Variants in SLC24A3 observed in about 807,000 individuals in gnomAD.
SLC24A3 encodes solute carrier family 24 member 3, also known as sodium/potassium/calcium exchanger 3.
In SLC24A3, 28 loss-of-function variants were observed where a neutral mutation model predicts 75.8. That is an observed-to-expected ratio of 0.37 (90% CI 0.27 to 0.51). SLC24A3 has a LOEUF of 0.51. SLC24A3 is among the 20% of genes least tolerant of loss of function. The pLI is 0.94. For missense variants in SLC24A3, 663 were observed against 847.8 expected, an observed-to-expected ratio of 0.78 and a Z score of 2.71; for synonymous variants, 372 against 334.1, an observed-to-expected ratio of 1.11 and a Z score of -1.24.
At chr20:19,256,072 C>T (rs1175694499) in intron 1 of SLC24A3, among the ~76,000 whole-genome samples, 1 of 151,860 alleles carries the variant, frequency 6.6e-6, no homozygotes, top group African/African-American at 2.4e-5. Context: ...GCACTCCAGC[C>T]TGCGTGATCG....
chr20:19,616,463 C>T (rs1457043020), intron 6 of SLC24A3, among the ~76,000 whole-genome samples: 4 of 152,212 alleles, frequency 2.6e-5, no homozygotes, highest in Non-Finnish European at 5.9e-5. Context: ...CAGGGGACAA[C>T]ATGTTAGGGG....
intron 1 of SLC24A3, among the ~76,000 whole-genome samples, chr20:19,241,806 C>T (rs900542839): frequency 4.6e-5 from 7 of 152,146 alleles, no homozygotes; most frequent in African/African-American, 1.7e-4. Context: ...TGAGGGCAAT[C>T]GTGATGAATA....
intron 2 of SLC24A3, among the ~76,000 whole-genome samples, chr20:19,319,226 T>G (rs761575738): frequency 3.3e-5 from 5 of 152,202 alleles, no homozygotes; most frequent in Admixed American, 6.5e-5. Context: ...AGCAGGACAC[T>G]GGTAGGGGCT....
At chr20:19,426,093 G>A (rs1446167756) in intron 2 of SLC24A3, among the ~76,000 whole-genome samples, 2 of 152,188 alleles carry the variant, frequency 1.3e-5, no homozygotes, top group African/African-American at 4.8e-5. Context: ...AGTGGAAAGT[G>A]CTTAGAAATG....
intron 6 of SLC24A3, among the ~76,000 whole-genome samples, chr20:19,639,148 C>T (rs2032037673): frequency 6.6e-6 from 1 of 152,100 alleles, no homozygotes; most frequent in East Asian, 1.9e-4. Flanking sequence ...GAGCTAGACA[C>T]AAAGGTTCTC....
At chr20:19,559,266 T>C (rs1399318155) in intron 3 of SLC24A3, among the ~76,000 whole-genome samples, 1 of 152,200 alleles carries the variant, frequency 6.6e-6, no homozygotes, top group African/African-American at 2.4e-5. Context: ...TCTTTTTGGG[T>C]GAAGTGTTTG....
chr20:19,524,598 C>A (rs1264583070), intron 3 of SLC24A3, among the ~76,000 whole-genome samples: 1 of 152,198 alleles, frequency 6.6e-6, no homozygotes, highest in Non-Finnish European at 1.5e-5. Flanking sequence ...TAGATACATG[C>A]AGCCTGCTGT....
intron 2 of SLC24A3, among the ~76,000 whole-genome samples, chr20:19,295,026 G>A (rs1984028243): frequency 6.6e-6 from 1 of 152,020 alleles, no homozygotes; most frequent in South Asian, 2.1e-4. Flanking sequence ...ATCTCACTGT[G>A]GTTTTTATTT....
intron 6 of SLC24A3, among the ~76,000 whole-genome samples, chr20:19,648,512 C>T (rs1251206886): frequency 1.3e-5 from 2 of 151,082 alleles, no homozygotes; most frequent in African/African-American, 2.4e-5. Flanking sequence ...TTAAATGTGC[C>T]GGTAATGTCA....
intron 2 of SLC24A3, among the ~76,000 whole-genome samples, chr20:19,371,792 C>T (rs1360071396): frequency 6.6e-6 from 1 of 152,164 alleles, no homozygotes; most frequent in Non-Finnish European, 1.5e-5. Context: ...CTGCAGCGTA[C>T]AGGTCTATTC....
At chr20:19,492,270 T>G (rs1399498700) in intron 2 of SLC24A3, among the ~76,000 whole-genome samples, 1 of 152,240 alleles carries the variant, frequency 6.6e-6, no homozygotes, top group African/African-American at 2.4e-5. Context: ...AAGCCTGGGC[T>G]CTGGAGTCCA....
chr20:19,676,883 A>C (rs2032530627), intron 9 of SLC24A3, among the ~76,000 whole-genome samples: 1 of 152,232 alleles, frequency 6.6e-6, no homozygotes. Context: ...CCCTGACAGC[A>C]GAGCCCCCTG....
chr20:19,585,679 G>A, intron 6 of SLC24A3, 135 bp downstream of exon 6: 1 of 784,198 alleles, frequency 1.3e-6, no homozygotes, highest in Non-Finnish European at 2.1e-6. Context: ...AGTGATTTGG[G>A]ACCTCACATC....
At chr20:19,432,145 A>G (rs1018067148) in intron 2 of SLC24A3, among the ~76,000 whole-genome samples, 25 of 152,044 alleles carry the variant, frequency 1.6e-4, no homozygotes, top group African/African-American at 6.0e-4. Flanking sequence ...AGGCTGACAA[A>G]ATATGCAGCA....
chr20:19,558,033 C>A (rs910279333), intron 3 of SLC24A3, among the ~76,000 whole-genome samples: 1 of 151,952 alleles, frequency 6.6e-6, no homozygotes, highest in Non-Finnish European at 1.5e-5. Context: ...GAACTAAATG[C>A]GTTGAAGCAT....
chr20:19,377,141 G>A (rs1158013576), intron 2 of SLC24A3, among the ~76,000 whole-genome samples: 1 of 152,204 alleles, frequency 6.6e-6, no homozygotes, highest in Admixed American at 6.5e-5. Context: ...ACTCAGCCAA[G>A]TTGGGCATTT....
intron 7 of SLC24A3, among the ~76,000 whole-genome samples, chr20:19,659,429 G>A (rs1413604864): frequency 1.3e-5 from 2 of 152,232 alleles, no homozygotes; most frequent in Non-Finnish European, 2.9e-5. Flanking sequence ...ATCTTGTGCT[G>A]TCCAATGTGG....
chr20:19,667,102 G>T (rs1227588159), intron 8 of SLC24A3, among the ~76,000 whole-genome samples: 1 of 152,174 alleles, frequency 6.6e-6, no homozygotes, highest in Non-Finnish European at 1.5e-5. Context: ...CTTTGTTGGT[G>T]TGGGCCTCTC....
chr20:19,220,970 C>G (rs1178117540), intron 1 of SLC24A3, among the ~76,000 whole-genome samples: 1 of 152,204 alleles, frequency 6.6e-6, no homozygotes, highest in Non-Finnish European at 1.5e-5. Context: ...ACTTAAATTT[C>G]CTGTCCTGGA....
Sources: allele counts gnomAD v4.1 joint callset (sites outside exome capture counted in the v4.1 genomes callset), GRCh38; gene constraint gnomAD v4.1.1; transcripts MANE v1.5; gene names NCBI Gene and HGNC (gene_info 2026-07-23, HGNC 2026-07-21).